The following MARCHF3 variants were observed in gnomAD, a reference collection of about 807,000 sequenced individuals.
The protein encoded by MARCHF3 is membrane associated ring-CH-type finger 3.
MARCHF3 carries 13 observed loss-of-function variants against 24.2 expected under a neutral mutation model. The ratio of observed to expected loss-of-function variants is 0.54; its 90% CI spans 0.35 to 0.85. The LOEUF (loss-of-function observed/expected upper bound fraction) is 0.85. MARCHF3 is among the 40% of genes least tolerant of loss of function. MARCHF3 has a pLI of 0.01. For synonymous variants in MARCHF3, 144 were observed against 137.3 expected (o/e 1.05, Z -0.34); for missense variants, 276 against 325.0 (o/e 0.85, Z 1.16).
intron 3 of MARCHF3, among the ~76,000 whole-genome samples, chr5:126,901,473 A>T (rs1181645577): frequency 1.3e-5 from 2 of 152,082 alleles, no homozygotes; most frequent in Non-Finnish European, 2.9e-5. Context: ...ATAAACAACC[A>T]CCGATCTCCC....
chr5:126,910,141 GC>G (rs1447628198), intron 3 of MARCHF3, among the ~76,000 whole-genome samples: 7 of 152,134 alleles, frequency 4.6e-5, no homozygotes, highest in African/African-American at 1.7e-4. Flanking sequence ...ATCCTAGAAG[GC>G]CTTTCCTCCA....
chr5:126,976,612 G>C (rs1403043960), intron 1 of MARCHF3, among the ~76,000 whole-genome samples: 1 of 152,188 alleles, frequency 6.6e-6, no homozygotes, highest in Non-Finnish European at 1.5e-5. Flanking sequence ...GACCTGGGGT[G>C]GCTGATTAGT....
At chr5:126,887,020 G>A (rs1753530519) in intron 3 of MARCHF3, among the ~76,000 whole-genome samples, 1 of 152,084 alleles carries the variant, frequency 6.6e-6, no homozygotes, top group South Asian at 2.1e-4. Flanking sequence ...CTAAAAGATG[G>A]TACCATGTAA....
intron 4 of MARCHF3, among the ~76,000 whole-genome samples, chr5:126,872,611 C>T (rs1159257373): frequency 6.6e-6 from 1 of 152,078 alleles, no homozygotes; most frequent in Non-Finnish European, 1.5e-5. Flanking sequence ...GTAGGCTGGC[C>T]TGATGACTTG....
At chr5:126,973,211 C>T (rs572181498) in intron 1 of MARCHF3, among the ~76,000 whole-genome samples, 4 of 152,330 alleles carry the variant, frequency 2.6e-5, no homozygotes, top group East Asian at 1.9e-4. Flanking sequence ...AAACCAACCT[C>T]GTTATGAATT....
chr5:126,983,381 T>G (rs911061824), intron 1 of MARCHF3, among the ~76,000 whole-genome samples: 1 of 152,202 alleles, frequency 6.6e-6, no homozygotes, highest in Non-Finnish European at 1.5e-5. Context: ...ATGACCAGGC[T>G]TTCCTGAGTC....
At chr5:126,897,149 C>G (rs993132487) in intron 3 of MARCHF3, among the ~76,000 whole-genome samples, 1 of 151,204 alleles carries the variant, frequency 6.6e-6, no homozygotes, top group South Asian at 2.1e-4. Context: ...AAGCGATTCT[C>G]CTGTCTCAGC....
chr5:126,878,055 C>T (rs984629441), intron 4 of MARCHF3, 130 bp downstream of exon 4: 31 of 820,876 alleles, frequency 3.8e-5, no homozygotes, highest in Non-Finnish European at 5.5e-5. Context: ...ATCTCATGCT[C>T]CCGCCAGCAA....
At chr5:126,942,103 A>T (rs1269865274) in intron 1 of MARCHF3, among the ~76,000 whole-genome samples, 3 of 152,306 alleles carry the variant, frequency 2.0e-5, no homozygotes, top group South Asian at 2.1e-4. Flanking sequence ...TAACTTTTTT[A>T]AAAAATGGCA....
At chr5:126,971,824 T>C (rs572195606) in intron 1 of MARCHF3, among the ~76,000 whole-genome samples, 2 of 152,352 alleles carry the variant, frequency 1.3e-5, no homozygotes, top group South Asian at 4.1e-4. Context: ...CTTTTCTAAA[T>C]TGCAAGGGTA....
chr5:127,006,095 C>T (rs113691688), intron 1 of MARCHF3, among the ~76,000 whole-genome samples: 3,395 of 150,134 alleles, frequency 0.023, 116 homozygotes, highest in African/African-American at 0.079. Flanking sequence ...CCCAGCTACT[C>T]GGGATGTTGA....
At chr5:126,967,776 T>C (rs955007746) in intron 1 of MARCHF3, among the ~76,000 whole-genome samples, 6 of 152,190 alleles carry the variant, frequency 3.9e-5, no homozygotes, top group East Asian at 3.8e-4. Flanking sequence ...TGTAACCCCA[T>C]AGACCACATC....
chr5:126,986,639 A>C (rs1751575832), intron 1 of MARCHF3, among the ~76,000 whole-genome samples: 6 of 152,220 alleles, frequency 3.9e-5, no homozygotes, highest in Admixed American at 3.9e-4. Flanking sequence ...CCCAAAAATG[A>C]ACACTGATGA....
At chr5:126,911,055 G>T (rs190287665) in intron 3 of MARCHF3, among the ~76,000 whole-genome samples, 144 of 152,288 alleles carry the variant, frequency 9.5e-4, no homozygotes, top group Non-Finnish European at 1.7e-3. Context: ...TTATTAGGAC[G>T]AGGAAATTCC....
intron 1 of MARCHF3, among the ~76,000 whole-genome samples, chr5:127,006,042 G>A (rs1180653004): frequency 6.6e-6 from 1 of 151,510 alleles, no homozygotes; most frequent in African/African-American, 2.4e-5. Flanking sequence ...TCTCTACTAA[G>A]AAATACAAAA....
At chr5:127,015,322 A>C (rs1752603896) in intron 1 of MARCHF3, among the ~76,000 whole-genome samples, 1 of 152,216 alleles carries the variant, frequency 6.6e-6, no homozygotes. Context: ...CCATGTGAAG[A>C]GACAACAGAG....
chr5:126,912,383 C>T (rs1754568709), intron 3 of MARCHF3, among the ~76,000 whole-genome samples: 1 of 152,152 alleles, frequency 6.6e-6, no homozygotes, highest in Non-Finnish European at 1.5e-5. Context: ...TTTTAAACTG[C>T]TTCCTCGAGC....
chr5:127,019,707 C>T (rs886676713), intron 1 of MARCHF3, among the ~76,000 whole-genome samples: 2 of 152,210 alleles, frequency 1.3e-5, no homozygotes, highest in Non-Finnish European at 2.9e-5. Flanking sequence ...TTGATGACAT[C>T]ACTGTGCCAC....
intron 3 of MARCHF3, among the ~76,000 whole-genome samples, chr5:126,889,247 G>A (rs1407401813): frequency 6.6e-6 from 1 of 151,908 alleles, no homozygotes; most frequent in East Asian, 1.9e-4. Flanking sequence ...CATGATCATG[G>A]GATACACTGT....
Sources: gnomAD v4.1 joint callset for allele counts (sites outside exome capture counted in the v4.1 genomes callset) on GRCh38, gnomAD v4.1.1 for gene constraint, MANE v1.5 for transcripts, NCBI Gene and HGNC (gene_info 2026-07-23, HGNC 2026-07-21) for gene names.